Variants in GTF3C1 observed in about 807,000 individuals in gnomAD.
GTF3C1 encodes general transcription factor 3C polypeptide 1.
Under a neutral mutation model 226.7 loss-of-function variants are expected in GTF3C1, and 57 were observed. The observed-to-expected ratio is 0.25, with a 90% CI of 0.20 to 0.31. The LOEUF is 0.31. Ranked by LOEUF, GTF3C1 falls within the 10% of genes least tolerant of loss-of-function variation. GTF3C1 has a pLI of 1.00. For synonymous variants in GTF3C1, 1,090 were observed against 1,084.8 expected (o/e 1.00, Z -0.09); for missense variants, 2,217 against 2,776.1 (o/e 0.80, Z 4.53).
intron 26 of GTF3C1, among the ~76,000 whole-genome samples, chr16:27,482,799 C>A (rs1045975472): frequency 2.0e-5 from 3 of 152,204 alleles, no homozygotes; most frequent in Non-Finnish European, 2.9e-5. Flanking sequence ...ACAAAACAGG[C>A]CCAAGGCACA....
At chr16:27,494,413 C>CAAAAAAAAAAAAACA (rs71137798) in intron 16 of GTF3C1, among the ~76,000 whole-genome samples, 1 of 115,534 alleles carries the variant, frequency 8.7e-6, no homozygotes, top group African/African-American at 3.3e-5. Context: ...AAAAAAAAAA[C>CAAAAAAAAAAAAACA]AAAAAAAAAA....
chr16:27,517,600 G>A (rs1445938392), intron 6 of GTF3C1, among the ~76,000 whole-genome samples: 2 of 152,178 alleles, frequency 1.3e-5, no homozygotes, highest in Non-Finnish European at 2.9e-5. Context: ...GACATGGCAT[G>A]CTAATATTAG....
At chr16:27,502,110 A>C (rs2088414386) in intron 11 of GTF3C1, among the ~76,000 whole-genome samples, 1 of 152,010 alleles carries the variant, frequency 6.6e-6, no homozygotes, top group Non-Finnish European at 1.5e-5. Flanking sequence ...AAAAAAAGAA[A>C]AGAAAATAGA....
At chr16:27,527,811 G>C (rs756160779) in intron 6 of GTF3C1, among the ~76,000 whole-genome samples, 27 of 152,102 alleles carry the variant, frequency 1.8e-4, no homozygotes, top group Non-Finnish European at 2.8e-4. Context: ...AGACCAGACT[G>C]GGCAACATAG....
intron 24 of GTF3C1, among the ~76,000 whole-genome samples, chr16:27,485,738 A>C (rs2088128654): frequency 6.6e-6 from 1 of 152,236 alleles, no homozygotes; most frequent in African/African-American, 2.4e-5. Flanking sequence ...GGACTATGAG[A>C]GGCTGAGGTG....
Position 27,498,664 on chromosome 16 carries a change from G to A in GTF3C1, c.2131C>T (p.Arg711Cys), listed in dbSNP as rs892440505. Reference sequence around the variant, plus strand: ...GTGCTTGAATTGGAGATCCGGAAGCGGACCTGCTCGATGGCACTTCTCACT... The same window carrying A: ...GTGCTTGAATTGGAGATCCGGAAGCAGACCTGCTCGATGGCACTTCTCACT... Reference protein sequence around the residue: ...PLVRSAIEQVRFRISNSSTAN... With the variant: ...PLVRSAIEQVCFRISNSSTAN... Residue 711 changes from arginine to cysteine, a missense_variant, in exon 13 of 37, where the codon CGC becomes TGC. Arg to Cys is a radical substitution (Grantham distance 180). Transcript: ENST00000356183. 7 of 1,604,232 alleles carry A rather than the reference G, an allele frequency of 4.4e-6. No individual in the cohort carries two copies. The highest frequency in any genetic ancestry group is 1.7e-5 in the Admixed American group (1 of 59,994).
In GTF3C1 at chr16:27,489,320, T is replaced by C. The variant is rs140948040; in HGVS notation, c.3294-142A>G. On this transcript the variant is annotated intron_variant, in intron 20 of 36. Coordinates refer to ENST00000356183, the MANE Select transcript of GTF3C1 (RefSeq NM_001520.4). ...CACCCCACAGGTAGCAATGAAGAAC[T>C]TGGGGGCCCTAAGTGTTGACTGGTT... The C allele has an allele frequency of 2.0e-3, 1,796 of 886,408 alleles. 21 individuals carry two copies. The African/African-American group carries it at 0.028, about 14-fold the overall frequency. 54.9% of individuals were successfully genotyped at this position (886,408 alleles called of 1,614,324 possible).
intron 6 of GTF3C1, among the ~76,000 whole-genome samples, chr16:27,524,265 T>C (rs775333028): frequency 5.9e-5 from 9 of 152,212 alleles, no homozygotes; most frequent in Non-Finnish European, 1.2e-4. Flanking sequence ...ATTGTATTTT[T>C]ATAGGGAAGG....
At chr16:27,535,371 G>A (rs772141748) in intron 4 of GTF3C1, among the ~76,000 whole-genome samples, 10 of 152,080 alleles carry the variant, frequency 6.6e-5, no homozygotes, top group Non-Finnish European at 1.0e-4. Flanking sequence ...TCAGGAGTTC[G>A]AGACCAGCCT....
intron 6 of GTF3C1, among the ~76,000 whole-genome samples, chr16:27,514,594 C>T (rs887163863): frequency 6.6e-6 from 1 of 152,142 alleles, no homozygotes; most frequent in Admixed American, 6.5e-5. Context: ...ATGCTGCTCA[C>T]ATGAGCAACC....
chr16:27,473,989 A>C (rs1043914370), intron 29 of GTF3C1, among the ~76,000 whole-genome samples: 1 of 152,190 alleles, frequency 6.6e-6, no homozygotes, highest in African/African-American at 2.4e-5. Flanking sequence ...ACAGGATAGG[A>C]GCGCTCAGGC....
chr16:27,521,000 T>C (rs1349913685), intron 6 of GTF3C1, among the ~76,000 whole-genome samples: 2 of 152,246 alleles, frequency 1.3e-5, no homozygotes, highest in Admixed American at 1.3e-4. Flanking sequence ...ATTAGAGGCC[T>C]AAGCCACAGC....
At chr16:27,517,463 G>A (rs1265225541) in intron 6 of GTF3C1, among the ~76,000 whole-genome samples, 1 of 152,184 alleles carries the variant, frequency 6.6e-6, no homozygotes, top group Non-Finnish European at 1.5e-5. Flanking sequence ...TCCCCTGGGA[G>A]GAACTGGGGA....
chr16:27,512,902 G>A (rs889999437), intron 6 of GTF3C1, among the ~76,000 whole-genome samples: 2 of 152,148 alleles, frequency 1.3e-5, no homozygotes, highest in African/African-American at 2.4e-5. Context: ...ACTCAGTCAC[G>A]GTCATAGGTC....
At chr16:27,506,165 G>T in intron 9 of GTF3C1, 49 bp from the exon 10 acceptor site, 1 of 1,094,318 alleles carries the variant, frequency 9.1e-7, no homozygotes, top group Non-Finnish European at 1.4e-6. Context: ...GGCCAGGAGG[G>T]CATTCATGTT....
At chr16:27,548,479 C>T (rs553116835) in intron 1 of GTF3C1, among the ~76,000 whole-genome samples, 25 of 152,212 alleles carry the variant, frequency 1.6e-4, no homozygotes, top group African/African-American at 5.8e-4. Context: ...GTTGGTCAGG[C>T]GGGTCTTGAA....
At chr16:27,537,058 T>C (rs2089011308) in intron 4 of GTF3C1, among the ~76,000 whole-genome samples, 1 of 152,224 alleles carries the variant, frequency 6.6e-6, no homozygotes, top group East Asian at 1.9e-4. Flanking sequence ...AACAATATCC[T>C]GCTAAAATAG....
At position 27,545,539 on chromosome 16, in the gene GTF3C1, CAA is replaced by C. The variant is rs1567418851; in HGVS notation, c.222-18_222-17del. ...TTCTTCATACCTAAGGAGAAAAACACAAATATCAAAGCCCAACTCAGCTTCAG... is the reference window on the plus strand; with the variant it reads ...TTCTTCATACCTAAGGAGAAAAACACATATCAAAGCCCAACTCAGCTTCAG... On this transcript the variant is annotated splice_polypyrimidine_tract_variant and intron_variant, in intron 1 of 36. Coordinates refer to ENST00000356183, the MANE Select transcript of GTF3C1 (RefSeq NM_001520.4). The C allele has an allele frequency of 6.9e-7, 1 of 1,450,894 alleles. No homozygotes were observed. Among genetic ancestry groups the C allele is most frequent in the South Asian group, 1.1e-5 (1 of 87,674 alleles). 89.9% of individuals were successfully genotyped at this position (1,450,894 alleles called of 1,614,324 possible). A position where few individuals can be genotyped will look rare whatever the true frequency, so the allele number is the denominator to read the frequency against.
rs2087752578 is a variant in GTF3C1 at position 27,464,469 on chromosome 16, T to A, written c.5723A>T (p.Gln1908Leu). ...AAGAGCTGGGGGTGGAGATGGGGCC[T>A]GGGCTTCTGCCCCATCTTCAGCTCC... is the stretch of plus-strand genomic sequence containing the variant. ...GPGAEDGAEA[Q>L]APSPPPALED... is the part of the protein sequence containing the mutation. The change falls in exon 34 of 37, where the codon CAG becomes CTG. Residue 1908 changes from glutamine to leucine, a missense_variant. By Grantham distance (113) the Gln-to-Leu change is moderately radical. This residue lies in a region of GTF3C1 where 455 missense variants were observed against 441.9 expected (regional missense o/e 1.03). Coordinates refer to ENST00000356183, the MANE Select transcript of GTF3C1 (RefSeq NM_001520.4). 12 of 1,579,172 alleles carry A rather than the reference T, an allele frequency of 7.6e-6. No homozygotes were observed. Among genetic ancestry groups the A allele is most frequent in the Non-Finnish European group, 1.0e-5 (12 of 1,165,190 alleles).
Sources: gnomAD v4.1 joint callset for allele counts (sites outside exome capture counted in the v4.1 genomes callset) on GRCh38, gnomAD v4.1.1 for gene constraint, gnomAD v4.1.1 regional missense constraint, MANE v1.5 for transcripts, NCBI Gene and HGNC (gene_info 2026-07-23, HGNC 2026-07-21) for gene names.